The following C3orf22 variants were observed in gnomAD, a reference collection of about 807,000 sequenced individuals.
C3orf22 encodes the protein uncharacterized protein C3orf22.
Under a neutral mutation model 10.8 loss-of-function variants are expected in C3orf22, and 7 were observed. That is an observed-to-expected ratio of 0.65 (90% CI 0.37 to 1.22). C3orf22 has a LOEUF of 1.22. Among genes scored for constraint, C3orf22 ranks in the 50% most tolerant of loss-of-function variants. The pLI is 0.02. For synonymous variants in C3orf22, 79 were observed against 78.9 expected, an observed-to-expected ratio of 1.00 and a Z score of 0.00; for missense variants, 173 against 177.0, an observed-to-expected ratio of 0.98 and a Z score of 0.13.
In C3orf22 at chr3:126,553,447, G is replaced by A. The variant is rs1241449390; in HGVS notation, c.-40-17C>T. On this transcript the variant is annotated splice_polypyrimidine_tract_variant and intron_variant, in intron 1 of 3. Coordinates refer to ENST00000318225, the MANE Select transcript of C3orf22 (RefSeq NM_152533.3). ...CAGCCATGGCTGGAAGACAAGAGGA[G>A]GCGTCAGAGGGGGCAGGGGTGGTGG... The A allele has an allele frequency of 6.8e-7, 1 of 1,474,578 alleles. No individual in the cohort carries two copies. The highest frequency in any genetic ancestry group is 9.5e-7 in the Non-Finnish European group (1 of 1,056,068). The allele number at this position is 1,474,578 out of a possible 1,614,324, so 91.3% of individuals were successfully genotyped here.
At chr3:126,541,308 C>A (rs1234497770) in intron 4 of C3orf22, among the ~76,000 whole-genome samples, 1 of 152,200 alleles carries the variant, frequency 6.6e-6, no homozygotes, top group African/African-American at 2.4e-5. Flanking sequence ...GCCAAAGCAG[C>A]CCGACAGCCC....
intron 4 of C3orf22, chr3:126,542,216 G>C (rs755426222): frequency 1.4e-6 from 2 of 1,479,114 alleles, no homozygotes; most frequent in Non-Finnish European, 1.8e-6. Flanking sequence ...CCGCGGCCAC[G>C]ACGTGCGCTT....
At chr3:126,550,157 C>T in intron 3 of C3orf22, 79 bp from the exon 4 acceptor site, 9 of 1,516,358 alleles carry the variant, frequency 5.9e-6, no homozygotes, top group Non-Finnish European at 8.1e-6. Context: ...AGAAGTCAGC[C>T]AGGGCCACAT....
At chr3:126,556,497 A>G (rs1937332885) in intron 1 of C3orf22, among the ~76,000 whole-genome samples, 1 of 152,010 alleles carries the variant, frequency 6.6e-6, no homozygotes, top group Non-Finnish European at 1.5e-5. Context: ...GCAGCTCTGC[A>G]CTTGCACCTG....
intron 4 of C3orf22, chr3:126,543,287 T>C (rs1403723757): frequency 6.6e-6 from 1 of 152,272 alleles, no homozygotes; most frequent in Non-Finnish European, 1.5e-5. Flanking sequence ...TTTGTTACTT[T>C]CTGATTTTTT....
At chr3:126,533,250 T>C (rs935689994) in intron 4 of C3orf22, among the ~76,000 whole-genome samples, 3 of 152,218 alleles carry the variant, frequency 2.0e-5, no homozygotes, top group Admixed American at 1.3e-4. Flanking sequence ...TTACCCTGGA[T>C]AAAACCTCCA....
chr3:126,545,226 C>T (rs1937047375), downstream of C3orf22, among the ~76,000 whole-genome samples: 2 of 152,250 alleles, frequency 1.3e-5, no homozygotes, highest in Non-Finnish European at 2.9e-5. Flanking sequence ...TGGCACAAAC[C>T]CAAGGTCACG....
downstream of C3orf22, among the ~76,000 whole-genome samples, chr3:126,546,150 C>T (rs935356815): frequency 2.6e-5 from 4 of 152,246 alleles, no homozygotes; most frequent in Admixed American, 6.5e-5. Flanking sequence ...TCCCTAGCAT[C>T]TGCAACCCTC....
At chr3:126,542,821 G>C (rs892505902) in intron 4 of C3orf22, 5 of 441,490 alleles carry the variant, frequency 1.1e-5, no homozygotes, top group African/African-American at 1.0e-4. Context: ...ACTTGCTCCA[G>C]CTGACAGGCA....
chr3:126,552,923 T>C (rs1937231384), intron 2 of C3orf22, among the ~76,000 whole-genome samples: 1 of 152,248 alleles, frequency 6.6e-6, no homozygotes, highest in African/African-American at 2.4e-5. Flanking sequence ...CCAGGCCCCC[T>C]CGGGCTGCCC....
At chr3:126,536,715 C>T (rs1211520559) in intron 4 of C3orf22, among the ~76,000 whole-genome samples, 1 of 151,942 alleles carries the variant, frequency 6.6e-6, no homozygotes, top group African/African-American at 2.4e-5. Context: ...TGCAGGGACC[C>T]CCAGCCCCGG....
intron 4 of C3orf22, among the ~76,000 whole-genome samples, chr3:126,539,797 A>G (rs1936898858): frequency 1.7e-5 from 1 of 58,486 alleles, no homozygotes. Flanking sequence ...CACACCACAG[A>G]CACCACACCA....
At chr3:126,551,296 C>T (rs1486493237) in intron 3 of C3orf22, among the ~76,000 whole-genome samples, 1 of 152,194 alleles carries the variant, frequency 6.6e-6, no homozygotes, top group Non-Finnish European at 1.5e-5. Context: ...GCCAGGGCAT[C>T]AGTGGGGCCG....
intron 4 of C3orf22, among the ~76,000 whole-genome samples, chr3:126,541,136 G>T (rs1936949468): frequency 6.6e-6 from 1 of 152,190 alleles, no homozygotes; most frequent in African/African-American, 2.4e-5. Flanking sequence ...CAGGTGCTAG[G>T]TTAAAGCCAG....
At position 126,558,812 on chromosome 3, in the gene C3orf22, AG is replaced by A. The variant is rs1451581723; in HGVS notation, c.-227del. On this transcript the variant is annotated 5_prime_UTR_variant, in exon 1 of 4. It removes the in-frame stop codon of an upstream open reading frame in the 5' UTR. Transcript: ENST00000318225. ...CTATGCCCAGAGCTTCCAGCCAGAAAGGACAAGCTGCAGGACCCTGTGGGCT... is the reference window on the plus strand; with the variant it reads ...CTATGCCCAGAGCTTCCAGCCAGAAAGACAAGCTGCAGGACCCTGTGGGCT... 1 of 152,314 alleles carries A rather than the reference AG, an allele frequency of 6.6e-6. No homozygotes were observed. Among genetic ancestry groups the A allele is most frequent in the Non-Finnish European group, 1.5e-5 (1 of 68,092 alleles). 9.4% of individuals were successfully genotyped at this position (152,314 alleles called of 1,614,324 possible).
In C3orf22 at chr3:126,541,737, C is replaced by T; in HGVS notation, c.286+7800G>A. 6.8e-6 allele frequency: 10 copies of T among 1,467,934 alleles called. No homozygotes were observed. The highest frequency in any genetic ancestry group is 9.0e-6 in the Non-Finnish European group (10 of 1,111,820). The allele number at this position is 1,467,934 out of a possible 1,614,324, so 90.9% of individuals were successfully genotyped here. ...CCCGTCTCCTGTCGCCCACAGGACC[C>T]GCGCTCGACCCTGGCGAAGGTGCAC... is the stretch of plus-strand genomic sequence containing the variant. On this transcript the variant is annotated intron_variant and NMD_transcript_variant, in intron 4 of 5. Transcript: ENST00000505070.
At chr3:126,539,784 C>G (rs1478734035) in intron 4 of C3orf22, among the ~76,000 whole-genome samples, 1 of 62,672 alleles carries the variant, frequency 1.6e-5, no homozygotes, top group African/African-American at 8.1e-5. Context: ...CACACACACA[C>G]CACACACCAC....
At chr3:126,554,140 G>T (rs879794594) in intron 1 of C3orf22, among the ~76,000 whole-genome samples, 1 of 151,704 alleles carries the variant, frequency 6.6e-6, no homozygotes, top group Non-Finnish European at 1.5e-5. Context: ...TCAGCCTCCC[G>T]AGTAGCTGGG....
chr3:126,552,331 G>A (rs997100253), intron 2 of C3orf22, among the ~76,000 whole-genome samples: 4 of 152,252 alleles, frequency 2.6e-5, no homozygotes, highest in African/African-American at 9.6e-5. Context: ...CCACAGCCAG[G>A]AGGTGGGAAC....
Sources: allele counts gnomAD v4.1 joint callset (sites outside exome capture counted in the v4.1 genomes callset), GRCh38; gene constraint gnomAD v4.1.1; transcripts MANE v1.5; gene names NCBI Gene and HGNC (gene_info 2026-07-23, HGNC 2026-07-21).